The following CCDC73 variants were observed in gnomAD, a reference collection of about 807,000 sequenced individuals.
The protein encoded by CCDC73 is coiled-coil domain containing 73, also known as coiled-coil domain-containing protein 73.
A neutral mutation model predicts 116.5 loss-of-function variants in CCDC73; 95 were observed. That is an observed-to-expected ratio of 0.82 (90% CI 0.69 to 0.97). The LOEUF is 0.97. CCDC73 is among the 50% of genes least tolerant of loss of function. The pLI is 0.00. For missense variants in CCDC73, 1,066 were observed against 1,206.8 expected (o/e 0.88, Z 1.73); for synonymous variants, 398 against 401.3 (o/e 0.99, Z 0.10).
chr11:32,822,607 T>A, the CCDC73 span, among the ~76,000 whole-genome samples: 1 of 152,212 alleles, frequency 6.6e-6, no homozygotes, highest in African/African-American at 2.4e-5. Context: ...CATATGAAAT[T>A]GCTGATATTT....
chr11:32,606,032 G>A (rs1468619047), intron 17 of CCDC73: 1 of 151,692 alleles, frequency 6.6e-6, no homozygotes, highest in Non-Finnish European at 1.5e-5. Flanking sequence ...AAAGTAAGTG[G>A]CTTGCTTTGC....
chr11:32,701,492 A>C (rs1849812294), intron 4 of CCDC73, among the ~76,000 whole-genome samples: 1 of 152,044 alleles, frequency 6.6e-6, no homozygotes, highest in Non-Finnish European at 1.5e-5. Flanking sequence ...CTTGAGCCCA[A>C]GAGTTTGAGA....
At chr11:32,663,858 A>G (rs1428171502) in intron 9 of CCDC73, among the ~76,000 whole-genome samples, 6 of 152,184 alleles carry the variant, frequency 3.9e-5, no homozygotes, top group African/African-American at 1.4e-4. Flanking sequence ...CATCCCATCA[A>G]TACCTAATTT....
intron 1 of CCDC73, among the ~76,000 whole-genome samples, chr11:32,784,928 C>T (rs1175190675): frequency 1.3e-5 from 2 of 152,126 alleles, no homozygotes; most frequent in Non-Finnish European, 2.9e-5. Flanking sequence ...AATCCCAGCA[C>T]TTTGGGATGC....
chr11:32,820,648 T>C, the CCDC73 span, among the ~76,000 whole-genome samples: 45 of 152,236 alleles, frequency 3.0e-4, no homozygotes, highest in Non-Finnish European at 5.3e-4. Flanking sequence ...TCCACACTTA[T>C]TGAAGTGCAT....
intron 14 of CCDC73, among the ~76,000 whole-genome samples, chr11:32,620,150 G>C (rs929613578): frequency 6.6e-6 from 1 of 152,138 alleles, no homozygotes; most frequent in Non-Finnish European, 1.5e-5. Flanking sequence ...TTCCAATCAA[G>C]CTATCATCTA....
At position 32,715,006 on chromosome 11, in the gene CCDC73, T is replaced by C. The variant is rs978369579; in HGVS notation, c.207+3070A>G. ...CAGAGACCATACTGTCCACAAAGTC[T>C]GAAATATTTACTACGTGGCTCTTTA... On this transcript the variant is annotated intron_variant, in intron 3 of 17. Transcript: ENST00000335185. Among the ~76,000 whole-genome samples, 7 of 152,272 alleles carry C rather than the reference T, an allele frequency of 4.6e-5. No individual in the cohort carries two copies. In the East Asian group the frequency reaches 1.3e-3, roughly 29 times the overall value.
At chr11:32,808,417 T>C in the CCDC73 span, among the ~76,000 whole-genome samples, 1 of 152,238 alleles carries the variant, frequency 6.6e-6, no homozygotes, top group Non-Finnish European at 1.5e-5. Context: ...GGTGGGCAGA[T>C]AACTTGAGGT....
intron 1 of CCDC73, among the ~76,000 whole-genome samples, chr11:32,792,695 T>C (rs1031892588): frequency 3.9e-5 from 6 of 152,238 alleles, no homozygotes; most frequent in Non-Finnish European, 7.3e-5. Context: ...ATCTTAACTA[T>C]AGCATCCTTC....
Position 32,675,591 on chromosome 11 carries a change from CTT to C in CCDC73, c.617_618del (p.Gln206ArgfsTer3), listed in dbSNP as rs1389080279. 1.3e-6 allele frequency: 2 copies of C among 1,586,722 alleles called. No individual in the cohort carries two copies. On this transcript the variant is annotated frameshift_variant, in exon 9 of 18. Transcript: ENST00000335185. LOFTEE classifies it high-confidence loss of function. ...TTCTTTAAACTGCATATTTCAGCTT[CTT>C]GTTTTTTATTTAAAGCTGAAAGTCT... The part of the protein sequence containing the change: ...NKRLSALNKK[Q>X]EAEICSLKKE...
intron 14 of CCDC73, 133 bp from the exon 15 acceptor site, chr11:32,616,262 T>C (rs1374566863): frequency 3.4e-6 from 3 of 881,448 alleles, no homozygotes; most frequent in Non-Finnish European, 4.9e-6. Flanking sequence ...TCAAATGATT[T>C]TTTAGTAAGT....
intron 1 of CCDC73, among the ~76,000 whole-genome samples, chr11:32,776,936 A>AAAAAT (rs1341535562): frequency 1.2e-3 from 42 of 36,456 alleles, no homozygotes; most frequent in African/African-American, 3.0e-3. Context: ...AAAAAAAAAA[A>AAAAAT]ATATATATAT....
At chr11:32,635,279 A>G (rs1291693253) in intron 14 of CCDC73, among the ~76,000 whole-genome samples, 2 of 152,186 alleles carry the variant, frequency 1.3e-5, no homozygotes, top group Non-Finnish European at 2.9e-5. Flanking sequence ...AAAAAGAACA[A>G]TATTGAAGGA....
intron 14 of CCDC73, among the ~76,000 whole-genome samples, chr11:32,628,579 T>C (rs563398728): frequency 6.6e-5 from 10 of 152,262 alleles, no homozygotes; most frequent in South Asian, 4.1e-4. Context: ...CTGGGACATT[T>C]TGTAGAGACC....
the CCDC73 span, among the ~76,000 whole-genome samples, chr11:32,814,313 G>A: frequency 3.3e-5 from 5 of 152,270 alleles, no homozygotes; most frequent in South Asian, 2.1e-4. Context: ...ATTGTTGCCC[G>A]ATGTTACCAG....
chr11:32,727,513 TTC>T (rs1850038344), intron 2 of CCDC73, among the ~76,000 whole-genome samples: 2 of 152,200 alleles, frequency 1.3e-5, no homozygotes, highest in South Asian at 4.1e-4. Flanking sequence ...ACTACCTTGT[TTC>T]TCCTTAAAGT....
At chr11:32,727,970 A>G (rs1850043166) in intron 2 of CCDC73, among the ~76,000 whole-genome samples, 1 of 152,006 alleles carries the variant, frequency 6.6e-6, no homozygotes, top group Admixed American at 6.6e-5. Context: ...TATTTTTCCC[A>G]GCTGAGTGTG....
At chr11:32,755,613 G>GTGTATATATATATCTCCATATATA (rs1850329493) in intron 2 of CCDC73, among the ~76,000 whole-genome samples, 4 of 114,592 alleles carry the variant, frequency 3.5e-5, no homozygotes, top group African/African-American at 1.0e-4. Flanking sequence ...ATATATATGT[G>GTGTATATATATATCTCCATATATA]TGTGTATATA....
At chr11:32,671,287 ATAGATAG>A (rs1856035419) in intron 9 of CCDC73, among the ~76,000 whole-genome samples, 2 of 152,020 alleles carry the variant, frequency 1.3e-5, no homozygotes, top group South Asian at 4.1e-4. Context: ...AATGCTGCTC[ATAGATAG>A]TATCAGGAAT....
Sources: gnomAD v4.1 joint callset for allele counts (sites outside exome capture counted in the v4.1 genomes callset) on GRCh38, gnomAD v4.1.1 for gene constraint, MANE v1.5 for transcripts, NCBI Gene and HGNC (gene_info 2026-07-23, HGNC 2026-07-21) for gene names.